Variants in DYNC1I1 observed in about 807,000 individuals in gnomAD.
DYNC1I1 encodes the protein dynein cytoplasmic 1 intermediate chain 1.
In DYNC1I1, 43 loss-of-function variants were observed where a neutral mutation model predicts 86.6. The observed-to-expected ratio is 0.50, with a 90% confidence interval of 0.39 to 0.64. The LOEUF is 0.64. Among genes scored for constraint, DYNC1I1 ranks in the 30% least tolerant of loss-of-function variants. The probability of loss-of-function intolerance (pLI) is 0.00; values close to 1 mark genes in which losing one functional copy is unlikely to be tolerated. For synonymous variants in DYNC1I1, 262 were observed against 283.7 expected, an observed-to-expected ratio of 0.92 and a Z score of 0.77; for missense variants, 604 against 788.8, an observed-to-expected ratio of 0.77 and a Z score of 2.81.
At chr7:95,954,069 A>T (rs1430833592) in intron 6 of DYNC1I1, among the ~76,000 whole-genome samples, 1 of 151,996 alleles carries the variant, frequency 6.6e-6, no homozygotes. Flanking sequence ...AGAAAACATG[A>T]ACTCCAAGGC....
chr7:95,829,693 T>C (rs1795279560), intron 5 of DYNC1I1, among the ~76,000 whole-genome samples: 2 of 152,160 alleles, frequency 1.3e-5, no homozygotes. Context: ...TCATGTTGAC[T>C]ATGCAGATTA....
In DYNC1I1 at chr7:96,002,906, C is replaced by T. The variant is rs141932316; in HGVS notation, c.969+6833C>T. On this transcript the variant is annotated intron_variant, in intron 10 of 16. Transcript: ENST00000447467. ...GTCATGAGGCTGGCGTACAGCAGCA[C>T]GATCTCAGCTCACTGCAACCTCAGA... is the stretch of plus-strand genomic sequence containing the variant. 3.1e-3 allele frequency among the ~76,000 whole-genome samples: 477 copies of T among 151,992 alleles called. 2 individuals are homozygous for T. Among genetic ancestry groups the T allele is most frequent in the African/African-American group, 0.011 (441 of 41,436 alleles).
At chr7:95,989,536 G>A (rs1453716543) in intron 9 of DYNC1I1, among the ~76,000 whole-genome samples, 1 of 152,152 alleles carries the variant, frequency 6.6e-6, no homozygotes. Context: ...TTCCTCAAAG[G>A]CAACTACAAC....
At chr7:95,995,817 A>G (rs542870374) in intron 9 of DYNC1I1, 131 bp from the exon 10 acceptor site, 2 of 1,292,520 alleles carry the variant, frequency 1.5e-6, no homozygotes, top group Non-Finnish European at 2.1e-6. Flanking sequence ...GTAAGCTGAT[A>G]GTAGGTATGC....
intron 6 of DYNC1I1, among the ~76,000 whole-genome samples, chr7:95,921,170 T>C (rs1165559386): frequency 6.6e-6 from 1 of 152,180 alleles, no homozygotes; most frequent in Non-Finnish European, 1.5e-5. Context: ...GAAAGTTAAA[T>C]ATATTTCCTT....
At chr7:96,000,582 C>T (rs1408167810) in intron 10 of DYNC1I1, among the ~76,000 whole-genome samples, 1 of 152,170 alleles carries the variant, frequency 6.6e-6, no homozygotes, top group African/African-American at 2.4e-5. Context: ...CATCCCAAAA[C>T]ACTTCTTTTC....
intron 4 of DYNC1I1, among the ~76,000 whole-genome samples, chr7:95,815,077 G>A (rs935222065): frequency 6.6e-6 from 1 of 152,012 alleles, no homozygotes; most frequent in African/African-American, 2.4e-5. Context: ...AGCTTCAAGG[G>A]TGCAGTTGGC....
chr7:95,815,421 A>G (rs1251436566), intron 4 of DYNC1I1, among the ~76,000 whole-genome samples: 1 of 152,192 alleles, frequency 6.6e-6, no homozygotes, highest in Non-Finnish European at 1.5e-5. Context: ...GAAAAATGCT[A>G]GTTTTCAGAA....
At chr7:95,949,416 C>T (rs1157507625) in intron 6 of DYNC1I1, among the ~76,000 whole-genome samples, 9 of 152,200 alleles carry the variant, frequency 5.9e-5, no homozygotes. Flanking sequence ...CGTAATTCAC[C>T]TCTTGGAAAC....
At chr7:96,103,540 A>G (rs1314176902) in intron 16 of DYNC1I1, among the ~76,000 whole-genome samples, 1 of 152,276 alleles carries the variant, frequency 6.6e-6, no homozygotes, top group East Asian at 1.9e-4. Context: ...CCTCCATTCA[A>G]AGCATACCAA....
intron 4 of DYNC1I1, among the ~76,000 whole-genome samples, chr7:95,820,004 A>G (rs1398038362): frequency 6.6e-6 from 1 of 152,174 alleles, no homozygotes; most frequent in African/African-American, 2.4e-5. Context: ...CTCTTGTTCT[A>G]TGATGGGAAG....
At chr7:95,796,928 G>T (rs866043075) in intron 1 of DYNC1I1, among the ~76,000 whole-genome samples, 1 of 151,956 alleles carries the variant, frequency 6.6e-6, no homozygotes, top group African/African-American at 2.4e-5. Context: ...AGCAATCATG[G>T]GTAAAACTGC....
intron 1 of DYNC1I1, among the ~76,000 whole-genome samples, chr7:95,777,289 T>A (rs963234965): frequency 2.6e-5 from 4 of 152,182 alleles, no homozygotes; most frequent in African/African-American, 9.7e-5. Flanking sequence ...CCAGGTGTCT[T>A]GCCGAGTACC....
chr7:95,838,604 T>C lies in DYNC1I1; in HGVS notation c.374+10488T>C, dbSNP rs563944423. Among the ~76,000 whole-genome samples the C allele has an allele frequency of 7.4e-4, 113 of 152,344 alleles. 1 individual carries two copies. Among genetic ancestry groups the C allele is most frequent in the Non-Finnish European group, 1.3e-3 (89 of 68,028 alleles). ...CATTTAAGTTTTGGTAGAGATTTTA[T>C]TGAATCTGTAGACTGCTCTAGGCAG... On this transcript the variant is annotated intron_variant, in intron 5 of 16. Transcript: ENST00000447467.
intron 1 of DYNC1I1, among the ~76,000 whole-genome samples, chr7:95,800,535 G>A (rs1336515738): frequency 6.6e-6 from 1 of 152,172 alleles, no homozygotes; most frequent in East Asian, 1.9e-4. Context: ...AGGATGCTGA[G>A]CAGGAGGTGC....
chr7:96,083,823 CAT>C (rs1459835111), intron 16 of DYNC1I1, among the ~76,000 whole-genome samples: 1 of 152,188 alleles, frequency 6.6e-6, no homozygotes, highest in African/African-American at 2.4e-5. Flanking sequence ...AAACGAAACT[CAT>C]AACCACAGTC....
At chr7:95,923,529 C>T (rs1014936505) in intron 6 of DYNC1I1, among the ~76,000 whole-genome samples, 3 of 152,016 alleles carry the variant, frequency 2.0e-5, no homozygotes, top group African/African-American at 4.8e-5. Flanking sequence ...AGTGTAAACC[C>T]TGCTTTGTAA....
chr7:95,998,115 C>G (rs964903606), intron 10 of DYNC1I1, among the ~76,000 whole-genome samples: 1 of 152,170 alleles, frequency 6.6e-6, no homozygotes, highest in Non-Finnish European at 1.5e-5. Context: ...ACACTTCTGC[C>G]TTCATGATCT....
At chr7:95,806,794 A>G (rs953295273) in intron 2 of DYNC1I1, among the ~76,000 whole-genome samples, 1 of 152,038 alleles carries the variant, frequency 6.6e-6, no homozygotes, top group South Asian at 2.1e-4. Flanking sequence ...TCTCCCCTCA[A>G]AGAGGTCTTT....
Sources: allele counts gnomAD v4.1 joint callset (sites outside exome capture counted in the v4.1 genomes callset), GRCh38; gene constraint gnomAD v4.1.1; transcripts MANE v1.5; gene names NCBI Gene and HGNC (gene_info 2026-07-23, HGNC 2026-07-21).